The following KCNA3 variants were observed in gnomAD, a reference collection of about 807,000 sequenced individuals.
KCNA3 encodes RP11-284N8.3.
KCNA3 carries 18 observed loss-of-function variants against 34.3 expected under a neutral mutation model. The ratio of observed to expected loss-of-function variants is 0.52; its 90% confidence interval spans 0.36 to 0.78. The LOEUF (loss-of-function observed/expected upper bound fraction) is 0.78, where lower values mean the gene tolerates loss of function less well. Among genes scored for constraint, KCNA3 ranks in the 30% least tolerant of loss-of-function variants. The pLI is 0.00. For missense variants in KCNA3, 587 were observed against 802.5 expected, an observed-to-expected ratio of 0.73 and a Z score of 3.24; for synonymous variants, 324 against 351.7, an observed-to-expected ratio of 0.92 and a Z score of 0.88.
Position 110,674,387 on chromosome 1 carries a change from G to A in KCNA3, c.423C>T (p.Asp141=), listed in dbSNP as rs1570802668. 6.2e-7 allele frequency: 1 copy of A among 1,614,158 alleles called. No individual in the cohort carries two copies. Among genetic ancestry groups the A allele is most frequent in the East Asian group, 2.2e-5 (1 of 44,864 alleles). Reference sequence around the variant, plus strand: ...CGAAGAAGTACTCGTTGCGGAGCGGGTCGAAGTACCTCATGCGCCGCTTGG... The same window carrying A: ...CGAAGAAGTACTCGTTGCGGAGCGGATCGAAGTACCTCATGCGCCGCTTGG... ...GDPKRRMRYF[D]PLRNEYFFDR... Residue 141 remains aspartate, a synonymous_variant, in exon 1 of 1, where the codon GAC becomes GAT. Transcript: ENST00000369769. The surrounding 1 kb of genome is among the most constrained non-coding windows in gnomAD (Gnocchi z 6.4).
In KCNA3 at chr1:110,674,781, G is replaced by A; in HGVS notation, c.29C>T (p.Ser10Leu). The change falls in exon 1 of 1, where the codon TCG becomes TTG. Residue 10 changes from serine to leucine, a missense_variant. Transcript: ENST00000369769. The surrounding 1 kb of genome is among the most constrained non-coding windows in gnomAD (Gnocchi z 6.4). MDERLSLLRSPPPPSARHRA... is the reference protein window; with the variant it reads MDERLSLLRLPPPPSARHRA... The stretch of plus-strand genomic sequence containing the variant: ...GTGGCGGGCTGAGGGCGGCGGCGGC[G>A]AGCGCAGAAGGCTGAGGCGCTCGTC... 1.5e-6 allele frequency: 2 copies of A among 1,339,532 alleles called. No individual in the cohort carries two copies. Among genetic ancestry groups the A allele is most frequent in the South Asian group, 4.0e-5 (2 of 49,466 alleles). 83.0% of individuals were successfully genotyped at this position (1,339,532 alleles called of 1,614,324 possible). A position where few individuals can be genotyped will look rare whatever the true frequency, so the allele number is the denominator to read the frequency against.
the KCNA3 span, among the ~76,000 whole-genome samples, chr1:110,665,286 A>C: frequency 6.6e-6 from 1 of 152,378 alleles, no homozygotes; most frequent in Non-Finnish European, 1.5e-5. Flanking sequence ...GGTGAAGATA[A>C]CGATGGTTTA....
chr1:110,673,945 A>G lies in KCNA3; in HGVS notation c.865T>C (p.Ser289Pro). 2 of 1,614,026 alleles carry G rather than the reference A, an allele frequency of 1.2e-6. No individual in the cohort carries two copies. Among genetic ancestry groups the G allele is most frequent in the Non-Finnish European group, 1.7e-6 (2 of 1,179,994 alleles). ...ACGAAGAAGGGATCGGAGAAGCTGGAGGCTCCTGCGCGGGACCCCGACGTG... is the reference window on the plus strand; with the variant it reads ...ACGAAGAAGGGATCGGAGAAGCTGGGGGCTCCTGCGCGGGACCCCGACGTG... ...NSTSGSRAGA[S>P]SFSDPFFVVE... The change falls in exon 1 of 1, where the codon TCC (serine) becomes CCC (proline). Residue 289 changes from serine to proline, a missense_variant. By Grantham distance (74) the Ser-to-Pro change is moderately conservative. Transcript: ENST00000369769. This position sits in a 1 kb window ranked among gnomAD's most constrained non-coding sequence, Gnocchi z 8.8.
At chr1:110,661,927 T>G in the KCNA3 span, among the ~76,000 whole-genome samples, 1 of 151,092 alleles carries the variant, frequency 6.6e-6, no homozygotes, top group Non-Finnish European at 1.5e-5. Flanking sequence ...GCTAACAGGG[T>G]GAAACCCCGT....
rs576455703 is a variant in KCNA3, at chr1:110,674,709, G to A, written c.101C>T (p.Thr34Met). Residue 34 changes from threonine to methionine, a missense_variant, in exon 1 of 1, where the codon ACG (threonine) becomes ATG (methionine). By Grantham distance (81) the Thr-to-Met change is moderately conservative. Transcript: ENST00000369769. The surrounding 1 kb of genome is among the most constrained non-coding windows in gnomAD (Gnocchi z 6.4). ...QRPASSGGAH[T>M]LVNHGYAEPA... ...CTCCGCGTAGCCGTGGTTCACCAGC[G>A]TGTGGGCACCGCCGCTGCTCGCTGG... 2.0e-6 allele frequency: 3 copies of A among 1,480,682 alleles called. No homozygotes were observed. The highest frequency in any genetic ancestry group is 2.3e-5 in the Admixed American group (1 of 43,186). The allele number at this position is 1,480,682 out of a possible 1,614,324, so 91.7% of individuals were successfully genotyped here. A position where few individuals can be genotyped will look rare whatever the true frequency, so the allele number is the denominator to read the frequency against.
chr1:110,662,672 C>T, the KCNA3 span, among the ~76,000 whole-genome samples: 1 of 152,024 alleles, frequency 6.6e-6, no homozygotes, highest in Non-Finnish European at 1.5e-5. Context: ...AAGCAAAAAC[C>T]TTTAATCTCA....
At chr1:110,671,422 C>A (rs899094817), downstream of KCNA3, among the ~76,000 whole-genome samples, 2 of 152,282 alleles carry the variant, frequency 1.3e-5, no homozygotes, top group Admixed American at 1.3e-4. Flanking sequence ...AATGACAGTT[C>A]CCTGGCTCTG....
chr1:110,667,731 T>G (rs895607556), downstream of KCNA3, among the ~76,000 whole-genome samples: 1 of 152,178 alleles, frequency 6.6e-6, no homozygotes, highest in Non-Finnish European at 1.5e-5. Flanking sequence ...AGTAAAATCA[T>G]GAAAACGTTT....
chr1:110,671,626 A>G (rs912116188), downstream of KCNA3, among the ~76,000 whole-genome samples: 1 of 151,966 alleles, frequency 6.6e-6, no homozygotes, highest in Non-Finnish European at 1.5e-5. Context: ...TTTGAAGTTT[A>G]TTTAGCTTGT....
the KCNA3 span, among the ~76,000 whole-genome samples, chr1:110,663,975 T>C: frequency 6.6e-6 from 1 of 152,350 alleles, no homozygotes; most frequent in African/African-American, 2.4e-5. Context: ...GTTAATTGCA[T>C]TTTGCAAAAG....
downstream of KCNA3, among the ~76,000 whole-genome samples, chr1:110,672,054 G>A (rs192816784): frequency 2.7e-3 from 418 of 152,272 alleles, no homozygotes; most frequent in African/African-American, 9.7e-3. Flanking sequence ...TCAAACAGTG[G>A]TTTTCCTTAT....
rs761542094 is a variant in KCNA3 at position 110,674,556 on chromosome 1, CG to C, written c.253del (p.Arg85AlafsTer35). 6.4e-7 allele frequency: 1 copy of C among 1,563,140 alleles called. No homozygotes were observed. The highest frequency in any genetic ancestry group is 1.2e-5 in the South Asian group (1 of 86,462). On this transcript the variant is annotated frameshift_variant, in exon 1 of 1. Coordinates refer to ENST00000369769, the MANE Select transcript of KCNA3 (RefSeq NM_002232.5). LOFTEE classifies it high-confidence loss of function. This position sits in a 1 kb window ranked among gnomAD's most constrained non-coding sequence, Gnocchi z 6.4. ...CAGTGAGGGCGGCAGCGGCTCGTAG[CG>C]GTCGCAGCCGCCGCCGCCACAGCCG... Reference protein sequence around the residue: ...QGGCGGGGCDRYEPLPPSLPA... With the variant: ...QGGCGGGGCDXYEPLPPSLPA...
the KCNA3 span, among the ~76,000 whole-genome samples, chr1:110,659,838 GA>G: frequency 3.5e-4 from 48 of 137,158 alleles, no homozygotes; most frequent in Admixed American, 3.6e-3. Flanking sequence ...CACAAGGACA[GA>G]AAACCAAACA....
At position 110,674,542 on chromosome 1, in the gene KCNA3, G is replaced by A. The variant is rs778985999; in HGVS notation, c.268C>T (p.Pro90Ser). ...TCGCCCGCGGCCGGCAGTGAGGGCG[G>A]CAGCGGCTCGTAGCGGTCGCAGCCG... is the stretch of plus-strand genomic sequence containing the variant. Reference protein sequence around the residue: ...GGGCDRYEPLPPSLPAAGEQD... With the variant: ...GGGCDRYEPLSPSLPAAGEQD... The change falls in exon 1 of 1, where the codon CCG becomes TCG. Residue 90 changes from proline to serine, a missense_variant. This residue lies in a region of KCNA3 where 341 missense variants were observed against 355.4 expected (regional missense o/e 0.96). Transcript: ENST00000369769. This position sits in a 1 kb window ranked among gnomAD's most constrained non-coding sequence, Gnocchi z 6.4. 4.6e-5 allele frequency: 73 copies of A among 1,601,214 alleles called. No homozygotes were observed. In the South Asian group the frequency reaches 7.2e-4, roughly 16 times the overall value.
chr1:110,666,962 A>G, the KCNA3 span, among the ~76,000 whole-genome samples: 2 of 152,196 alleles, frequency 1.3e-5, no homozygotes, highest in African/African-American at 4.8e-5. Flanking sequence ...ATGAAAACCA[A>G]TATTTTGGAA....
the KCNA3 span, among the ~76,000 whole-genome samples, chr1:110,665,917 T>A: frequency 6.6e-6 from 1 of 152,160 alleles, no homozygotes; most frequent in Non-Finnish European, 1.5e-5. Flanking sequence ...CCAAGTACAC[T>A]TTTGGTGGAA....
At chr1:110,659,980 T>C in the KCNA3 span, among the ~76,000 whole-genome samples, 1 of 152,088 alleles carries the variant, frequency 6.6e-6, no homozygotes, top group Non-Finnish European at 1.5e-5. Context: ...AAATACCTAA[T>C]GTAAATGACA....
chr1:110,667,575 C>A (rs1651728653), downstream of KCNA3, among the ~76,000 whole-genome samples: 1 of 152,082 alleles, frequency 6.6e-6, no homozygotes, highest in Non-Finnish European at 1.5e-5. Flanking sequence ...GTTCCTATTT[C>A]ACTCTATTTA....
chr1:110,659,540 G>A, the KCNA3 span, among the ~76,000 whole-genome samples: 61 of 152,104 alleles, frequency 4.0e-4, 1 homozygote, highest in African/African-American at 1.3e-3. Flanking sequence ...GCATCCTACT[G>A]GTCAGTGCAG....
Sources: gnomAD v4.1 joint callset for allele counts (sites outside exome capture counted in the v4.1 genomes callset) on GRCh38, gnomAD v4.1.1 for gene constraint, gnomAD v4.1.1 regional missense constraint, Gnocchi (gnomAD v3.1) non-coding constraint, MANE v1.5 for transcripts, NCBI Gene and HGNC (gene_info 2026-07-23, HGNC 2026-07-21) for gene names.